The following SLC17A8 variants were observed in gnomAD, a reference collection of about 807,000 sequenced individuals.
SLC17A8 encodes the protein solute carrier family 17 member 8.
SLC17A8 carries 31 observed loss-of-function variants against 58.0 expected under a neutral mutation model. The ratio of observed to expected loss-of-function variants is 0.53; its 90% CI spans 0.40 to 0.72. The LOEUF is 0.72. Among genes scored for constraint, SLC17A8 ranks in the 30% least tolerant of loss-of-function variants. SLC17A8 has a pLI of 0.00. For missense variants in SLC17A8, 655 were observed against 727.8 expected, an observed-to-expected ratio of 0.90 and a Z score of 1.15; for synonymous variants, 228 against 249.0, an observed-to-expected ratio of 0.92 and a Z score of 0.79.
intron 9 of SLC17A8, among the ~76,000 whole-genome samples, chr12:100,408,368 A>T (rs892562369): frequency 6.6e-6 from 1 of 152,208 alleles, no homozygotes; most frequent in Non-Finnish European, 1.5e-5. Context: ...AGTGTAACTG[A>T]GGTCAAAAAT....
rs565228718 is a variant in SLC17A8, at chr12:100,421,275, T to C, written c.*1116T>C. ...AAAAATGTATCTCTTTAGCCTTTTCTGCTGGAGATTATATTAGGAAGTTTC... is the reference window on the plus strand; with the variant it reads ...AAAAATGTATCTCTTTAGCCTTTTCCGCTGGAGATTATATTAGGAAGTTTC... On this transcript the variant is annotated 3_prime_UTR_variant, in exon 12 of 12. Transcript: ENST00000323346. The C allele has an allele frequency of 1.3e-5, 2 of 152,192 alleles. No homozygotes were observed. The highest frequency in any genetic ancestry group is 1.5e-5 in the Non-Finnish European group (1 of 68,030). The allele number at this position is 152,192 out of a possible 1,614,324, so 9.4% of individuals were successfully genotyped here. A position where few individuals can be genotyped will look rare whatever the true frequency, so the allele number is the denominator to read the frequency against.
intron 5 of SLC17A8, 45 bp downstream of exon 5, chr12:100,396,462 T>C (rs1027059354): frequency 1.3e-6 from 2 of 1,542,076 alleles, no homozygotes; most frequent in African/African-American, 2.7e-5. Context: ...TGAATGCTTT[T>C]TTTGGGTTCA....
intron 1 of SLC17A8, among the ~76,000 whole-genome samples, chr12:100,374,775 C>T (rs976432299): frequency 6.6e-6 from 1 of 152,124 alleles, no homozygotes; most frequent in Non-Finnish European, 1.5e-5. Context: ...TCCTCATTTG[C>T]TCCTGAGCCC....
At chr12:100,383,806 T>C (rs1386211960) in intron 2 of SLC17A8, among the ~76,000 whole-genome samples, 3 of 151,084 alleles carry the variant, frequency 2.0e-5, no homozygotes, top group African/African-American at 7.3e-5. Context: ...TGGGCTTAAG[T>C]GATCCTCCCA....
At chr12:100,360,291 G>A (rs192887499) in intron 1 of SLC17A8, among the ~76,000 whole-genome samples, 1 of 152,342 alleles carries the variant, frequency 6.6e-6, no homozygotes, top group East Asian at 1.9e-4. Flanking sequence ...GTGACATGCA[G>A]ATTTGTTCAA....
chr12:100,397,871 G>A (rs1046379692), intron 5 of SLC17A8, among the ~76,000 whole-genome samples: 1 of 149,110 alleles, frequency 6.7e-6, no homozygotes, highest in Non-Finnish European at 1.5e-5. Context: ...TGAGCCCGGA[G>A]GTGGAGGTTG....
At chr12:100,373,577 CTTTTTTTTTTT>C (rs11296057) in intron 1 of SLC17A8, among the ~76,000 whole-genome samples, 1 of 87,632 alleles carries the variant, frequency 1.1e-5, no homozygotes, top group African/African-American at 4.3e-5. Flanking sequence ...AAATCAGTGA[CTTTTTTTTTTT>C]TTTTTTTTTT....
At chr12:100,381,593 C>G (rs199799985) in intron 2 of SLC17A8, among the ~76,000 whole-genome samples, 2 of 103,152 alleles carry the variant, frequency 1.9e-5, no homozygotes, top group Non-Finnish European at 4.0e-5. Flanking sequence ...AGAGAGAGAA[C>G]GTACACATGC....
chr12:100,357,516 G>T (rs781492321), intron 1 of SLC17A8, 24 bp downstream of exon 1: 1 of 1,463,604 alleles, frequency 6.8e-7, no homozygotes, highest in East Asian at 2.3e-5. Context: ...GCGAACTTTA[G>T]TTCCTTTCTG....
At chr12:100,375,569 C>A (rs1304602943) in intron 1 of SLC17A8, among the ~76,000 whole-genome samples, 1 of 152,170 alleles carries the variant, frequency 6.6e-6, no homozygotes, top group Non-Finnish European at 1.5e-5. Flanking sequence ...GTCCCCACGC[C>A]AAATGGGTGG....
At chr12:100,381,157 CTCAGCA>C (rs1455312936) in intron 2 of SLC17A8, among the ~76,000 whole-genome samples, 1 of 151,846 alleles carries the variant, frequency 6.6e-6, no homozygotes, top group Non-Finnish European at 1.5e-5. Flanking sequence ...ATCTCAGCAT[CTCAGCA>C]TCTCAGATCA....
chr12:100,415,064 G>C (rs140733474), intron 10 of SLC17A8, among the ~76,000 whole-genome samples: 1 of 152,184 alleles, frequency 6.6e-6, no homozygotes. Flanking sequence ...AAATGTTCAA[G>C]TTCATATTGC....
intron 1 of SLC17A8, among the ~76,000 whole-genome samples, chr12:100,371,005 G>A (rs1011080128): frequency 6.6e-6 from 1 of 152,150 alleles, no homozygotes; most frequent in Non-Finnish European, 1.5e-5. Flanking sequence ...AGCATTGACT[G>A]GGCTGGCGTT....
Position 100,419,709 on chromosome 12 carries a change from A to G in SLC17A8, c.1426-106A>G, listed in dbSNP as rs7967828. 584,960 of 1,101,338 alleles carry G rather than the reference A, an allele frequency of 0.53. 157,009 individuals are homozygous for G. Among genetic ancestry groups the G allele is most frequent in the South Asian group, 0.59 (45,116 of 75,906 alleles). 68.2% of individuals were successfully genotyped at this position (1,101,338 alleles called of 1,614,324 possible). On this transcript the variant is annotated intron_variant, in intron 11 of 11. Coordinates refer to ENST00000323346, the MANE Select transcript of SLC17A8 (RefSeq NM_139319.3). The stretch of plus-strand genomic sequence containing the variant: ...CCGCCCAAGGAGCCTCTAGAGCATC[A>G]CCTTCCAAATGGGCAGGTGCTTTTT...
chr12:100,395,838 C>G (rs965965407), intron 4 of SLC17A8, among the ~76,000 whole-genome samples: 7 of 151,832 alleles, frequency 4.6e-5, no homozygotes, highest in Non-Finnish European at 7.4e-5. Context: ...GTCTTGAACT[C>G]CTGGCTTCAA....
chr12:100,401,568 C>T (rs1022314543), intron 5 of SLC17A8, among the ~76,000 whole-genome samples: 2 of 152,036 alleles, frequency 1.3e-5, no homozygotes, highest in Non-Finnish European at 1.5e-5. Context: ...CCTGTGTGGT[C>T]TCTGGATGAA....
intron 2 of SLC17A8, among the ~76,000 whole-genome samples, chr12:100,381,198 A>T (rs561861577): frequency 6.6e-6 from 1 of 152,120 alleles, no homozygotes; most frequent in South Asian, 2.1e-4. Flanking sequence ...AATCCTGAGG[A>T]AACTGTTGAC....
At chr12:100,365,811 A>G (rs1257342242) in intron 1 of SLC17A8, among the ~76,000 whole-genome samples, 4 of 152,148 alleles carry the variant, frequency 2.6e-5, no homozygotes, top group Admixed American at 1.3e-4. Context: ...AAATAACATA[A>G]TGTCATCTAT....
intron 9 of SLC17A8, chr12:100,410,801 A>G (rs1226804143): frequency 6.6e-6 from 1 of 152,226 alleles, no homozygotes; most frequent in East Asian, 1.9e-4. Flanking sequence ...AGATTTGTAT[A>G]TGAAAGCTCA....
Sources: gnomAD v4.1 joint callset for allele counts (sites outside exome capture counted in the v4.1 genomes callset) on GRCh38, gnomAD v4.1.1 for gene constraint, MANE v1.5 for transcripts, NCBI Gene and HGNC (gene_info 2026-07-23, HGNC 2026-07-21) for gene names.